CRB1: variants seen among roughly 807,000 people sequenced by gnomAD.
CRB1 encodes protein crumbs homolog 1.
A neutral mutation model predicts 120.0 loss-of-function variants in CRB1; 83 were observed. The ratio of observed to expected loss-of-function variants is 0.69; its 90% CI spans 0.58 to 0.83. The LOEUF is 0.83. Ranked by LOEUF, CRB1 falls within the 40% of genes least tolerant of loss-of-function variation. The pLI, the probability that CRB1 is intolerant of heterozygous loss-of-function variation, is 0.00. For synonymous variants in CRB1, 625 were observed against 612.5 expected (o/e 1.02, Z -0.30); for missense variants, 1,699 against 1,687.6 (o/e 1.01, Z -0.12).
intron 4 of CRB1, among the ~76,000 whole-genome samples, chr1:197,354,039 C>A (rs1399951753): frequency 6.7e-6 from 1 of 149,050 alleles, no homozygotes; most frequent in Non-Finnish European, 1.5e-5. Context: ...AAAAAAACAC[C>A]CCCAAAATGT....
At position 197,421,064 on chromosome 1, in the gene CRB1, T is replaced by C. The variant is rs1358707398; in HGVS notation, c.1236T>C (p.Cys412=). The change falls in exon 6 of 12, where the codon TGT becomes TGC. Residue 412 remains cysteine (C), a synonymous_variant. Coordinates refer to ENST00000367400, the MANE Select transcript of CRB1 (RefSeq NM_201253.3). ...SSNPCQNGGT[C]ENLPGNYTCH... ...ACCCTTGCCAAAATGGTGGTACTTG[T>C]GAGAACTTGCCTGGGAATTATACTT... is the stretch of plus-strand genomic sequence containing the variant. The C allele has an allele frequency of 2.5e-6, 4 of 1,613,818 alleles. No individual in the cohort carries two copies. The Admixed American group carries it at 6.7e-5, about 27-fold the overall frequency.
chr1:197,408,362 G>C (rs1663527629), intron 5 of CRB1, among the ~76,000 whole-genome samples: 1 of 152,110 alleles, frequency 6.6e-6, no homozygotes, highest in African/African-American at 2.4e-5. Flanking sequence ...AGAAAACTTT[G>C]AATGTGTTTT....
intron 5 of CRB1, among the ~76,000 whole-genome samples, chr1:197,392,926 G>T (rs1437815887): frequency 6.6e-6 from 1 of 152,058 alleles, no homozygotes; most frequent in African/African-American, 2.4e-5. Context: ...AATGCAGGTA[G>T]CTTGTAAATT....
At chr1:197,387,699 T>G (rs1237919246) in intron 5 of CRB1, among the ~76,000 whole-genome samples, 1 of 152,066 alleles carries the variant, frequency 6.6e-6, no homozygotes, top group Non-Finnish European at 1.5e-5. Context: ...GCAACAATTT[T>G]TTTCTAAAAA....
intron 6 of CRB1, among the ~76,000 whole-genome samples, chr1:197,423,119 A>G (rs1664418371): frequency 6.6e-6 from 1 of 152,184 alleles, no homozygotes; most frequent in African/African-American, 2.4e-5. Flanking sequence ...GAAAAATTTA[A>G]TTGACCTAAG....
chr1:197,217,940 T>C, the CRB1 span, among the ~76,000 whole-genome samples: 1 of 151,048 alleles, frequency 6.6e-6, no homozygotes, highest in African/African-American at 2.4e-5. Flanking sequence ...TAGGAAGGAA[T>C]TGCACTGAGT....
At chr1:197,218,375 A>T in the CRB1 span, among the ~76,000 whole-genome samples, 1 of 152,216 alleles carries the variant, frequency 6.6e-6, no homozygotes, top group African/African-American at 2.4e-5. Context: ...ACTCATTTAT[A>T]TAATTAGTGA....
chr1:197,437,336 G>A (rs1312546266), intron 9 of CRB1, among the ~76,000 whole-genome samples: 2 of 152,134 alleles, frequency 1.3e-5, no homozygotes, highest in Non-Finnish European at 2.9e-5. Context: ...TAGGTGCTAA[G>A]TGTTCCCAAC....
chr1:197,410,378 G>A (rs761218373), intron 5 of CRB1, among the ~76,000 whole-genome samples: 14 of 152,160 alleles, frequency 9.2e-5, no homozygotes, highest in South Asian at 2.1e-4. Context: ...TTGAGGTCAC[G>A]TACAGGGACT....
intron 11 of CRB1, chr1:197,444,366 C>A (rs1054550123): frequency 6.6e-6 from 1 of 152,126 alleles, no homozygotes; most frequent in African/African-American, 2.4e-5. Flanking sequence ...CAAGGCTGAA[C>A]GTGTGATGCT....
intron 11 of CRB1, among the ~76,000 whole-genome samples, chr1:197,463,825 G>A (rs1416372152): frequency 6.6e-6 from 1 of 152,106 alleles, no homozygotes; most frequent in Non-Finnish European, 1.5e-5. Context: ...TCCCAGTGTA[G>A]CGAATGAACC....
chr1:197,355,966 T>C (rs149103688), intron 4 of CRB1, among the ~76,000 whole-genome samples: 1 of 152,208 alleles, frequency 6.6e-6, no homozygotes, highest in Non-Finnish European at 1.5e-5. Context: ...CATAATGATA[T>C]TAATTGCAAC....
intron 8 of CRB1, among the ~76,000 whole-genome samples, chr1:197,433,392 T>C (rs1196447983): frequency 6.6e-6 from 1 of 152,142 alleles, no homozygotes; most frequent in Non-Finnish European, 1.5e-5. Context: ...TCAGGTCATT[T>C]GCTACTGAAA....
At chr1:197,408,683 T>G (rs1663543497) in intron 5 of CRB1, among the ~76,000 whole-genome samples, 1 of 150,626 alleles carries the variant, frequency 6.6e-6, no homozygotes, top group African/African-American at 2.5e-5. Context: ...ATAATTCACT[T>G]TAACTTAAGT....
upstream of CRB1, among the ~76,000 whole-genome samples, chr1:197,267,473 G>T (rs1179520428): frequency 1.3e-5 from 2 of 152,058 alleles, no homozygotes; most frequent in Non-Finnish European, 2.9e-5. Flanking sequence ...GATTTATAAA[G>T]CTTTGTAAAA....
chr1:197,348,638 G>T (rs898392288), intron 4 of CRB1, among the ~76,000 whole-genome samples: 11 of 151,898 alleles, frequency 7.2e-5, no homozygotes, highest in Admixed American at 5.2e-4. Flanking sequence ...CACCATGCCC[G>T]GCTAATTTTT....
intron 5 of CRB1, among the ~76,000 whole-genome samples, chr1:197,367,736 C>T (rs1254217829): frequency 6.6e-6 from 1 of 152,174 alleles, no homozygotes; most frequent in Non-Finnish European, 1.5e-5. Context: ...CTCAGAGGAA[C>T]ACCCTCCCTG....
At chr1:197,358,565 G>A (rs1000730488) in intron 5 of CRB1, among the ~76,000 whole-genome samples, 1 of 152,216 alleles carries the variant, frequency 6.6e-6, no homozygotes, top group African/African-American at 2.4e-5. Context: ...AATGGTTTAT[G>A]TTTTACTCAT....
intron 5 of CRB1, among the ~76,000 whole-genome samples, chr1:197,369,867 A>C (rs1447734625): frequency 6.6e-6 from 1 of 152,094 alleles, no homozygotes; most frequent in Non-Finnish European, 1.5e-5. Context: ...AGCTCAAATC[A>C]TGCTATATTC....
Sources: gnomAD v4.1 joint callset for allele counts (sites outside exome capture counted in the v4.1 genomes callset) on GRCh38, gnomAD v4.1.1 for gene constraint, MANE v1.5 for transcripts, NCBI Gene and HGNC (gene_info 2026-07-23, HGNC 2026-07-21) for gene names.